Variants in TMTC4 observed in about 807,000 individuals in gnomAD.
The protein encoded by TMTC4 is protein O-mannosyl-transferase TMTC4.
A neutral mutation model predicts 86.0 loss-of-function variants in TMTC4; 65 were observed. The ratio of observed to expected loss-of-function variants is 0.76; its 90% confidence interval spans 0.62 to 0.93. The LOEUF (loss-of-function observed/expected upper bound fraction) is 0.93, where lower values mean the gene tolerates loss of function less well. Among genes scored for constraint, TMTC4 ranks in the 40% least tolerant of loss-of-function variants. The pLI is 0.00. For missense variants in TMTC4, 866 were observed against 948.1 expected, an observed-to-expected ratio of 0.91 and a Z score of 1.14; for synonymous variants, 379 against 382.5, an observed-to-expected ratio of 0.99 and a Z score of 0.11.
chr13:100,660,349 GAAAAGAAAAA>G (rs1885623420), intron 5 of TMTC4, among the ~76,000 whole-genome samples: 1 of 141,766 alleles, frequency 7.1e-6, no homozygotes, highest in Non-Finnish European at 1.5e-5. Context: ...AAAAAAAAAA[GAAAAGAAAAA>G]AAAAGAAATT....
At chr13:100,625,445 G>A (rs762880493) in intron 15 of TMTC4, 90 bp downstream of exon 15, 1 of 1,504,928 alleles carries the variant, frequency 6.6e-7, no homozygotes. Context: ...TAAAATGTAT[G>A]GGCTAGGTGG....
At chr13:100,631,788 AGTGTCTTCCTAAGTG>A (rs1356505097) in intron 12 of TMTC4, among the ~76,000 whole-genome samples, 5 of 152,204 alleles carry the variant, frequency 3.3e-5, no homozygotes, top group African/African-American at 1.2e-4. Flanking sequence ...GAAGGAAACC[AGTGTCTTCCTAAGTG>A]AGATTACTTT....
At chr13:100,653,290 A>G (rs1884674776) in intron 6 of TMTC4, among the ~76,000 whole-genome samples, 1 of 152,208 alleles carries the variant, frequency 6.6e-6, no homozygotes, top group Non-Finnish European at 1.5e-5. Context: ...GCCTCTGCTA[A>G]GAGACTAGGA....
intron 15 of TMTC4, chr13:100,614,821 T>G: frequency 1.7e-6 from 1 of 602,160 alleles, no homozygotes; most frequent in Non-Finnish European, 2.1e-6. Context: ...GAAAGCCTCA[T>G]CATTAGTCTT....
At chr13:100,658,500 T>A (rs1885382385) in intron 5 of TMTC4, among the ~76,000 whole-genome samples, 2 of 151,354 alleles carry the variant, frequency 1.3e-5, no homozygotes, top group African/African-American at 4.9e-5. Context: ...GACAAGCCTG[T>A]CCGAAGGGGA....
rs538554354 is a variant in TMTC4, at chr13:100,619,032, G to A, written c.1837-4602C>T. Among the ~76,000 whole-genome samples, 667 of 152,268 alleles carry A rather than the reference G, an allele frequency of 4.4e-3. 6 individuals carry two copies. Among genetic ancestry groups the A allele is most frequent in the African/African-American group, 0.015 (638 of 41,558 alleles). On this transcript the variant is annotated intron_variant, in intron 15 of 18. Coordinates refer to ENST00000342624, the MANE Select transcript of TMTC4 (RefSeq NM_032813.5). ...CACCTCCCAGATGGGGCGGCCGGCC[G>A]GGCAGAGGGGCTCCTCACTTCCCAG...
chr13:100,617,310 G>T (rs542181748), intron 15 of TMTC4, among the ~76,000 whole-genome samples: 1 of 151,984 alleles, frequency 6.6e-6, no homozygotes, highest in Admixed American at 6.6e-5. Context: ...AATTTTTTTG[G>T]ATTTTTTGTA....
chr13:100,635,194 T>A lies in TMTC4; in HGVS notation c.1204A>T (p.Ile402Phe). The A allele has an allele frequency of 1.3e-6, 2 of 1,581,102 alleles. No homozygotes were observed. Among genetic ancestry groups the A allele is most frequent in the Middle Eastern group, 1.8e-4 (1 of 5,626 alleles). Residue 402 changes from isoleucine (I) to phenylalanine (F), a missense_variant and splice_region_variant, in exon 11 of 19, where the codon ATC (isoleucine) becomes TTC (phenylalanine). Transcript: ENST00000342624. ...AGAAATCCCAGGCCCAGAGTAAGGA[T>A]CCTGGATGATGAAAAGTATTTAAAT... ...LCSEDGHKRR[I>F]LTLGLGFLVI...
Position 100,634,865 on chromosome 13 carries a change from C to A in TMTC4, c.1446G>T (p.Glu482Asp), listed in dbSNP as rs1881978368. 6.2e-7 allele frequency: 1 copy of A among 1,614,200 alleles called. No individual in the cohort carries two copies. The highest frequency in any genetic ancestry group is 8.5e-7 in the Non-Finnish European group (1 of 1,180,038). The stretch of plus-strand genomic sequence containing the variant: ...TGAAAAGCTGTTCCTCACTCCGCCA[C>A]TCGCCGCTGCGCAGCACACATCTCA... ...NTLRCVLRSG[E>D]WRSEEQLFRS... Residue 482 changes from glutamate (E) to aspartate (D), a missense_variant, in exon 12 of 19, where the codon GAG becomes GAT. Transcript: ENST00000342624.
rs762647389 is a variant in TMTC4, at chr13:100,606,629, C to T, written c.2065-202G>A. Among the ~76,000 whole-genome samples, 118 of 152,126 alleles carry T rather than the reference C, an allele frequency of 7.8e-4. 1 individual carries two copies. The highest frequency in any genetic ancestry group is 7.3e-3 in the Admixed American group (111 of 15,278). On this transcript the variant is annotated intron_variant, in intron 17 of 18. Coordinates refer to ENST00000342624, the MANE Select transcript of TMTC4 (RefSeq NM_032813.5). ...AGGAGCAGTGGGAGGGAGTGGTGGC[C>T]GCAGAGAGGGGATGAACATGTTCGT...
chr13:100,670,136 G>A (rs1039635772), intron 2 of TMTC4: 6 of 454,842 alleles, frequency 1.3e-5, no homozygotes, highest in African/African-American at 1.2e-4. Context: ...TCTTTACTAA[G>A]GGACCTGGAC....
intron 7 of TMTC4, 165 bp from the exon 8 acceptor site, chr13:100,638,187 T>C (rs1288327030): frequency 2.2e-5 from 12 of 551,176 alleles, no homozygotes; most frequent in Non-Finnish European, 3.9e-5. Context: ...GCCGTACGTT[T>C]CTATGAAATT....
chr13:100,666,055 C>T (rs1370301467), intron 3 of TMTC4: 1 of 456,644 alleles, frequency 2.2e-6, no homozygotes, highest in South Asian at 1.5e-5. Flanking sequence ...AGGAAATGAA[C>T]ACCAACGAGG....
intron 12 of TMTC4, among the ~76,000 whole-genome samples, chr13:100,632,053 A>ACACACTCTCCCTCTCT (rs1296569630): frequency 2.3e-5 from 1 of 43,110 alleles, no homozygotes; most frequent in Non-Finnish European, 4.7e-5. Flanking sequence ...ACACACACAC[A>ACACACTCTCCCTCTCT]CTCTCTCTCT....
chr13:100,648,328 T>TG (rs1462609560), intron 6 of TMTC4, among the ~76,000 whole-genome samples: 1 of 151,570 alleles, frequency 6.6e-6, no homozygotes, highest in Non-Finnish European at 1.5e-5. Context: ...AAGCTTAGTA[T>TG]GAAAAAAAAA....
chr13:100,660,351 A>G (rs1468523622), intron 5 of TMTC4, among the ~76,000 whole-genome samples: 4 of 151,452 alleles, frequency 2.6e-5, no homozygotes, highest in Non-Finnish European at 5.9e-5. Flanking sequence ...AAAAAAAAGA[A>G]AAGAAAAAAA....
At chr13:100,659,018 T>G (rs1885449496) in intron 5 of TMTC4, among the ~76,000 whole-genome samples, 1 of 152,242 alleles carries the variant, frequency 6.6e-6, no homozygotes, top group African/African-American at 2.4e-5. Context: ...ATATGTATTT[T>G]TAGGCAAACT....
At chr13:100,629,424 G>A (rs544332640) in intron 12 of TMTC4, among the ~76,000 whole-genome samples, 1 of 152,184 alleles carries the variant, frequency 6.6e-6, no homozygotes, top group South Asian at 2.1e-4. Context: ...GTGGCTCGAG[G>A]CCGTGGCTGC....
chr13:100,644,764 C>A (rs948751606), intron 6 of TMTC4, among the ~76,000 whole-genome samples: 3 of 152,196 alleles, frequency 2.0e-5, no homozygotes, highest in Admixed American at 2.0e-4. Flanking sequence ...GCCAGCTGAT[C>A]GACAGGAAAG....
Sources: gnomAD v4.1 joint callset for allele counts (sites outside exome capture counted in the v4.1 genomes callset) on GRCh38, gnomAD v4.1.1 for gene constraint, MANE v1.5 for transcripts, NCBI Gene and HGNC (gene_info 2026-07-23, HGNC 2026-07-21) for gene names.